Variants in CYP39A1 observed in about 807,000 individuals in gnomAD.
The protein encoded by CYP39A1 is 24-hydroxycholesterol 7-alpha-hydroxylase.
In CYP39A1, 49 loss-of-function variants were observed where a neutral mutation model predicts 58.1. That is an observed-to-expected ratio of 0.84 (90% CI 0.67 to 1.07). CYP39A1 has a LOEUF of 1.07. Among genes scored for constraint, CYP39A1 ranks in the 50% least tolerant of loss-of-function variants. CYP39A1 has a pLI of 0.00. For synonymous variants in CYP39A1, 209 were observed against 187.6 expected (o/e 1.11, Z -0.93); for missense variants, 531 against 539.4 (o/e 0.98, Z 0.16).
chr6:46,597,464 T>A (rs192290270), intron 7 of CYP39A1, among the ~76,000 whole-genome samples: 124 of 152,134 alleles, frequency 8.2e-4, no homozygotes, highest in African/African-American at 2.9e-3. Flanking sequence ...TCCAACTAGA[T>A]GAAAAAGAAA....
chr6:46,587,138 T>C lies in CYP39A1; in HGVS notation c.1189A>G (p.Lys397Glu). 1 of 1,611,428 alleles carries C rather than the reference T, an allele frequency of 6.2e-7. No individual in the cohort carries two copies. The highest frequency in any genetic ancestry group is 8.5e-7 in the Non-Finnish European group (1 of 1,178,824). Reference sequence around the variant, plus strand: ...ATGAAGCAGTCCAAGAAAGAGTGCTTCTCTAAATTTGCCTTTTTCCAACGT... The same window carrying C: ...ATGAAGCAGTCCAAGAAAGAGTGCTCCTCTAAATTTGCCTTTTTCCAACGT... Reference protein sequence around the residue: ...PERWKKANLEKHSFLDCFMAF... With the variant: ...PERWKKANLEEHSFLDCFMAF... The change falls in exon 10 of 12, where the codon AAG becomes GAG. Residue 397 changes from lysine (K) to glutamate (E), a missense_variant. Transcript: ENST00000275016.
chr6:46,568,852 G>T (rs1771432148), intron 10 of CYP39A1, among the ~76,000 whole-genome samples: 1 of 151,808 alleles, frequency 6.6e-6, no homozygotes, highest in Non-Finnish European at 1.5e-5. Context: ...TCTCTTTCAA[G>T]ATTGTTTTGG....
intron 10 of CYP39A1, among the ~76,000 whole-genome samples, chr6:46,563,414 T>C (rs1232809993): frequency 1.3e-5 from 2 of 152,244 alleles, no homozygotes; most frequent in Non-Finnish European, 2.9e-5. Flanking sequence ...ACACATCTAC[T>C]AATAAAGCTC....
chr6:46,650,925 AT>A (rs1309792847), intron 1 of CYP39A1, among the ~76,000 whole-genome samples: 1 of 152,200 alleles, frequency 6.6e-6, no homozygotes, highest in East Asian at 1.9e-4. Flanking sequence ...GATCATATGC[AT>A]AAGGAAGGCT....
At chr6:46,564,666 C>T (rs1302016642) in intron 10 of CYP39A1, among the ~76,000 whole-genome samples, 1 of 152,118 alleles carries the variant, frequency 6.6e-6, no homozygotes, top group Non-Finnish European at 1.5e-5. Context: ...TTTTAGATGT[C>T]TTGATTTTGA....
intron 6 of CYP39A1, among the ~76,000 whole-genome samples, chr6:46,627,479 C>T (rs1403846214): frequency 9.3e-5 from 14 of 151,088 alleles, no homozygotes; most frequent in South Asian, 4.2e-4. Flanking sequence ...AGTGCAGTGG[C>T]GCAATCTCGG....
In CYP39A1 at chr6:46,588,107, T is replaced by C. The variant is rs1441232581; in HGVS notation, c.1088A>G (p.Asp363Gly). The C allele has an allele frequency of 1.3e-6, 2 of 1,595,808 alleles. No individual in the cohort carries two copies. Among genetic ancestry groups the C allele is most frequent in the African/African-American group, 1.3e-5 (1 of 74,400 alleles). The change falls in exon 9 of 12, where the codon GAC (aspartate) becomes GGC (glycine). Residue 363 changes from aspartate (D) to glycine (G), a missense_variant. By Grantham distance (94) the Asp-to-Gly change is moderately conservative (BLOSUM62 -1). Coordinates refer to ENST00000275016, the MANE Select transcript of CYP39A1 (RefSeq NM_016593.5). ...CCAAAATGGAGACAACATCAACAAG[T>C]CACCAGAAGGAATGATGTAATTCTA... ...EILNYIIPSG[D>G]LLMLSPFWLH...
At chr6:46,625,362 ATG>A (rs1775248074) in intron 7 of CYP39A1, 54 bp downstream of exon 7, 1 of 1,238,444 alleles carries the variant, frequency 8.1e-7, no homozygotes, top group Non-Finnish European at 1.1e-6. Flanking sequence ...TTTGCCAATA[ATG>A]TGTGACAAAC....
At chr6:46,609,349 G>GCTGAGTCCGCGCCA (rs376239593) in intron 7 of CYP39A1, among the ~76,000 whole-genome samples, 48 of 151,332 alleles carry the variant, frequency 3.2e-4, no homozygotes, top group African/African-American at 6.8e-4. Flanking sequence ...CTTGCAGTGA[G>GCTGAGTCCGCGCCA]CTGAGTCCGC....
chr6:46,621,504 A>G (rs1168770115), intron 7 of CYP39A1, among the ~76,000 whole-genome samples: 2 of 152,172 alleles, frequency 1.3e-5, no homozygotes, highest in Non-Finnish European at 2.9e-5. Context: ...GCCCTTACAG[A>G]AATAAAATGG....
At chr6:46,553,926 G>C in intron 10 of CYP39A1, 72 bp from the exon 11 acceptor site, 2 of 949,232 alleles carry the variant, frequency 2.1e-6, no homozygotes, top group East Asian at 2.5e-5. Flanking sequence ...AGAATATCTA[G>C]AAAGCATACA....
intron 7 of CYP39A1, among the ~76,000 whole-genome samples, chr6:46,607,453 C>T: frequency 6.8e-6 from 1 of 146,842 alleles, no homozygotes; most frequent in Non-Finnish European, 1.5e-5. Context: ...ATATTTCAAG[C>T]CCCTTCCCCC....
chr6:46,599,268 A>C (rs879530859), intron 7 of CYP39A1, among the ~76,000 whole-genome samples: 10 of 152,278 alleles, frequency 6.6e-5, no homozygotes, highest in Middle Eastern at 3.4e-3. Flanking sequence ...TATCACATTA[A>C]AGTGTGCAAC....
intron 4 of CYP39A1, among the ~76,000 whole-genome samples, chr6:46,637,011 TA>T (rs1369802076): frequency 6.6e-6 from 1 of 152,190 alleles, no homozygotes; most frequent in Non-Finnish European, 1.5e-5. Context: ...GGATGGTAGC[TA>T]TGTTCTGAGG....
intron 10 of CYP39A1, among the ~76,000 whole-genome samples, chr6:46,564,095 TTTTG>T (rs768602285): frequency 0.16 from 23,435 of 149,696 alleles, 4,927 homozygotes; most frequent in African/African-American, 0.43. Context: ...TTGTTTTTTA[TTTTG>T]TATTTTTTTT....
intron 7 of CYP39A1, among the ~76,000 whole-genome samples, chr6:46,603,920 A>G (rs1561983040): frequency 6.6e-6 from 1 of 152,226 alleles, no homozygotes; most frequent in Non-Finnish European, 1.5e-5. Flanking sequence ...ATTTTACAAT[A>G]CTATAAATTC....
intron 10 of CYP39A1, among the ~76,000 whole-genome samples, chr6:46,565,851 C>G (rs549459131): frequency 6.6e-6 from 1 of 152,170 alleles, no homozygotes; most frequent in African/African-American, 2.4e-5. Flanking sequence ...CATCATTACC[C>G]TATGCTTATG....
chr6:46,600,308 A>T (rs542579432), intron 7 of CYP39A1, among the ~76,000 whole-genome samples: 2 of 151,992 alleles, frequency 1.3e-5, no homozygotes, highest in South Asian at 4.2e-4. Flanking sequence ...TTTAGTAGAG[A>T]TGGGGTGTTG....
intron 5 of CYP39A1, among the ~76,000 whole-genome samples, chr6:46,633,872 A>G (rs1450946809): frequency 3.3e-5 from 5 of 152,174 alleles, no homozygotes; most frequent in Admixed American, 2.6e-4. Flanking sequence ...AGAAAAAAAA[A>G]TGCCACTGCC....
Sources: allele counts gnomAD v4.1 joint callset (sites outside exome capture counted in the v4.1 genomes callset), GRCh38; gene constraint gnomAD v4.1.1; transcripts MANE v1.5; gene names NCBI Gene and HGNC (gene_info 2026-07-23, HGNC 2026-07-21).